Variants in PRMT3 observed in about 807,000 individuals in gnomAD.
PRMT3 encodes protein arginine N-methyltransferase 3.
A neutral mutation model predicts 71.9 loss-of-function variants in PRMT3; 62 were observed. The observed-to-expected ratio is 0.86, with a 90% CI of 0.70 to 1.07. The LOEUF (loss-of-function observed/expected upper bound fraction) is 1.07. PRMT3 is among the 50% of genes least tolerant of loss of function. The pLI is 0.00. For synonymous variants in PRMT3, 213 were observed against 220.4 expected, an observed-to-expected ratio of 0.97 and a Z score of 0.30; for missense variants, 663 against 643.0, an observed-to-expected ratio of 1.03 and a Z score of -0.34.
At chr11:20,504,079 T>A (rs1361303467) in intron 15 of PRMT3, among the ~76,000 whole-genome samples, 4 of 152,224 alleles carry the variant, frequency 2.6e-5, no homozygotes, top group South Asian at 2.1e-4. Context: ...TGTTGGGCAT[T>A]GTTTCATATG....
At chr11:20,481,696 T>G (rs1850941010) in intron 13 of PRMT3, among the ~76,000 whole-genome samples, 1 of 152,134 alleles carries the variant, frequency 6.6e-6, no homozygotes, top group Non-Finnish European at 1.5e-5. Flanking sequence ...TTACTTTGTT[T>G]CAAAGGGATT....
chr11:20,427,417 A>G (rs1849570804), intron 10 of PRMT3, among the ~76,000 whole-genome samples: 1 of 152,346 alleles, frequency 6.6e-6, no homozygotes, highest in African/African-American at 2.4e-5. Flanking sequence ...GTTTATTTTT[A>G]AATATATGGA....
chr11:20,440,383 C>G (rs562920242), intron 10 of PRMT3, among the ~76,000 whole-genome samples: 17 of 151,414 alleles, frequency 1.1e-4, no homozygotes, highest in Non-Finnish European at 2.5e-4. Flanking sequence ...TGGTGGCTCA[C>G]GCCTGTAATC....
At position 20,474,481 on chromosome 11, in the gene PRMT3, C is replaced by CAGAGT. The variant is rs1043243351; in HGVS notation, c.1347+9937_1347+9941dup. On this transcript the variant is annotated intron_variant, in intron 13 of 15. Transcript: ENST00000331079. ...CTGGCCTTGCCAGGAATCCTGGGGC[C>CAGAGT]AGAGTATGCAAAACTCCTGAGTCTC... 2.0e-5 allele frequency among the ~76,000 whole-genome samples: 3 copies of CAGAGT among 152,186 alleles called. No individual in the cohort carries two copies. In the South Asian group the frequency reaches 6.2e-4, roughly 32 times the overall value.
At chr11:20,415,017 G>GGTGTGT (rs377570784) in intron 9 of PRMT3, among the ~76,000 whole-genome samples, 9,449 of 135,310 alleles carry the variant, frequency 0.07, 496 homozygotes, top group African/African-American at 0.14. Flanking sequence ...TGGTGGTAGT[G>GGTGTGT]GTGTGTGTGT....
intron 13 of PRMT3, among the ~76,000 whole-genome samples, chr11:20,475,151 G>T (rs1236646932): frequency 6.6e-6 from 1 of 152,182 alleles, no homozygotes; most frequent in East Asian, 1.9e-4. Context: ...CAGCTACATA[G>T]GATAGGGCTT....
chr11:20,430,438 T>G (rs1378117392), intron 10 of PRMT3, among the ~76,000 whole-genome samples: 1 of 152,130 alleles, frequency 6.6e-6, no homozygotes, highest in Non-Finnish European at 1.5e-5. Context: ...TTGTCTTTAT[T>G]TTGGAAGATT....
Position 20,461,932 on chromosome 11 carries a change from T to TA in PRMT3, c.1073-46dup, listed in dbSNP as rs759333902. On this transcript the variant is annotated intron_variant, in intron 11 of 15. Coordinates refer to ENST00000331079, the MANE Select transcript of PRMT3 (RefSeq NM_005788.4). ...TTAGGCTTTAAAAAATTATATTCCA[T>TA]AAGAAAGGGAGATAATGCTTAATTG... 2.0e-5 allele frequency: 28 copies of TA among 1,412,642 alleles called. No homozygotes were observed. In the African/African-American group the frequency reaches 2.6e-4, roughly 13 times the overall value. 87.5% of individuals were successfully genotyped at this position (1,412,642 alleles called of 1,614,324 possible).
intron 13 of PRMT3, among the ~76,000 whole-genome samples, chr11:20,484,356 C>T (rs1851020002): frequency 6.6e-6 from 1 of 152,174 alleles, no homozygotes; most frequent in Non-Finnish European, 1.5e-5. Context: ...AATATTTAAA[C>T]TGAGACATCA....
chr11:20,408,181 GAATTGAGCT>G lies in PRMT3; in HGVS notation c.893+151_893+159del. 1.2e-5 allele frequency: 6 copies of G among 480,346 alleles called. No individual in the cohort carries two copies. The South Asian group carries it at 2.4e-4, about 20-fold the overall frequency. The allele number at this position is 480,346 out of a possible 1,614,324, so 29.8% of individuals were successfully genotyped here. A position where few individuals can be genotyped will look rare whatever the true frequency, so the allele number is the denominator to read the frequency against. ...CTCCAGAATAATAAGATTTTAAGTT[GAATTGAGCT>G]AGACACATTTGAGCTATGCTGCTGA... On this transcript the variant is annotated intron_variant, in intron 9 of 15. Coordinates refer to ENST00000331079, the MANE Select transcript of PRMT3 (RefSeq NM_005788.4).
At chr11:20,390,020 G>A (rs1848679060) in intron 3 of PRMT3, among the ~76,000 whole-genome samples, 194 bp downstream of exon 3, 1 of 151,996 alleles carries the variant, frequency 6.6e-6, no homozygotes, top group Non-Finnish European at 1.5e-5. Flanking sequence ...GTGTGGTGAC[G>A]CACACCTGTA....
chr11:20,484,183 A>G (rs1275866644), intron 13 of PRMT3, among the ~76,000 whole-genome samples: 3 of 152,220 alleles, frequency 2.0e-5, no homozygotes, highest in Non-Finnish European at 4.4e-5. Context: ...GAACAAAGAA[A>G]TGGTAAGACT....
chr11:20,433,352 A>G (rs983246837), intron 10 of PRMT3, among the ~76,000 whole-genome samples: 3 of 152,140 alleles, frequency 2.0e-5, no homozygotes, highest in African/African-American at 7.2e-5. Context: ...AATGGCCTCC[A>G]GCTCCATCCA....
intron 13 of PRMT3, among the ~76,000 whole-genome samples, chr11:20,470,705 T>C (rs1054375887): frequency 1.3e-5 from 2 of 152,210 alleles, no homozygotes; most frequent in Admixed American, 1.3e-4. Context: ...TGAACATACA[T>C]GTGCATGTAT....
chr11:20,436,766 C>A (rs1849769784), intron 10 of PRMT3, among the ~76,000 whole-genome samples: 1 of 151,534 alleles, frequency 6.6e-6, no homozygotes, highest in Non-Finnish European at 1.5e-5. Context: ...GTGTCTTTAA[C>A]TGATTTTGTT....
intron 13 of PRMT3, among the ~76,000 whole-genome samples, chr11:20,492,883 C>A (rs1202926022): frequency 1.3e-5 from 2 of 152,116 alleles, no homozygotes; most frequent in Non-Finnish European, 2.9e-5. Flanking sequence ...ATGGTGAAAC[C>A]CCATCTCTAC....
intron 6 of PRMT3, 104 bp downstream of exon 6, chr11:20,396,066 A>G: frequency 9.7e-7 from 1 of 1,026,796 alleles, no homozygotes; most frequent in Non-Finnish European, 1.4e-6. Context: ...TGGAAAGTAC[A>G]ATGTAGATAT....
At position 20,387,814 on chromosome 11, in the gene PRMT3, C is replaced by T; in HGVS notation, c.28+40C>T. The T allele has an allele frequency of 6.5e-7, 1 of 1,540,284 alleles. No homozygotes were observed. On this transcript the variant is annotated intron_variant, in intron 1 of 15. Coordinates refer to ENST00000331079, the MANE Select transcript of PRMT3 (RefSeq NM_005788.4). This position sits in a 1 kb window ranked among gnomAD's most constrained non-coding sequence, Gnocchi z 4.3. ...CCCTCAGCACCCGGCTCGTCCAGCC[C>T]CAGGCCGCGCCGCTGTGGGGCCGGT...
chr11:20,398,159 G>A (rs10766668), intron 7 of PRMT3, among the ~76,000 whole-genome samples: 124,823 of 152,096 alleles, frequency 0.82, 53,134 homozygotes, highest in Non-Finnish European at 0.95. Context: ...CTATTAAATA[G>A]GAACAATTAG....
Sources: gnomAD v4.1 joint callset for allele counts (sites outside exome capture counted in the v4.1 genomes callset) on GRCh38, gnomAD v4.1.1 for gene constraint, Gnocchi (gnomAD v3.1) non-coding constraint, MANE v1.5 for transcripts, NCBI Gene and HGNC (gene_info 2026-07-23, HGNC 2026-07-21) for gene names.